XKR6: variants seen among roughly 807,000 people sequenced by gnomAD.
XKR6 encodes the protein XK-related protein 6.
A neutral mutation model predicts 56.7 loss-of-function variants in XKR6; 22 were observed. The ratio of observed to expected loss-of-function variants is 0.39; its 90% CI spans 0.28 to 0.55. The LOEUF is 0.55. Among genes scored for constraint, XKR6 ranks in the 20% least tolerant of loss-of-function variants. The pLI is 0.66. For missense variants in XKR6, 852 were observed against 889.0 expected (o/e 0.96, Z 0.53); for synonymous variants, 524 against 387.8 (o/e 1.35, Z -4.13).
At chr8:11,111,716 A>C (rs1286982178) in intron 1 of XKR6, 3 of 152,218 alleles carry the variant, frequency 2.0e-5, no homozygotes, top group African/African-American at 7.2e-5. Context: ...ATGTCAACCC[A>C]GAAGTACATC....
rs369101389 is a variant in XKR6, at chr8:11,124,387, A to G, written c.764+76189T>C. 9.1e-5 allele frequency: 16 copies of G among 175,044 alleles called. No individual in the cohort carries two copies. In the East Asian group the frequency reaches 1.4e-3, roughly 15 times the overall value. The allele number at this position is 175,044 out of a possible 1,614,324, so 10.8% of individuals were successfully genotyped here. On this transcript the variant is annotated intron_variant, in intron 1 of 2. Coordinates refer to ENST00000416569, the MANE Select transcript of XKR6 (RefSeq NM_173683.4). ...GATGTGAACACAGTACACACATCCA[A>G]TGAAACATGGGATGTAACTGGCAGA...
chr8:11,057,400 G>C (rs1799712367), intron 1 of XKR6, among the ~76,000 whole-genome samples: 1 of 152,188 alleles, frequency 6.6e-6, no homozygotes, highest in South Asian at 2.1e-4. Context: ...ACACAAAGGA[G>C]AGGCTCAAAA....
Position 10,993,590 on chromosome 8 carries a change from C to T in XKR6, c.765-68760G>A, listed in dbSNP as rs1563333589. On this transcript the variant is annotated intron_variant, in intron 1 of 2. Transcript: ENST00000416569. ...GCCCTGCACCTGCGGCTACTGAGGC[C>T]GGGTGCAGAGGAGCTGGTACTAAGC... Among the ~76,000 whole-genome samples, 5 of 152,318 alleles carry T rather than the reference C, an allele frequency of 3.3e-5. No homozygotes were observed. The Middle Eastern group carries it at 0.014, about 414-fold the overall frequency.
At chr8:11,054,701 T>C (rs1799637265) in intron 1 of XKR6, among the ~76,000 whole-genome samples, 1 of 152,180 alleles carries the variant, frequency 6.6e-6, no homozygotes, top group Non-Finnish European at 1.5e-5. Flanking sequence ...CAGTTGCCTA[T>C]TCTTGCTGGT....
intron 1 of XKR6, among the ~76,000 whole-genome samples, chr8:11,139,931 G>C (rs1800602706): frequency 6.6e-6 from 1 of 152,160 alleles, no homozygotes; most frequent in African/African-American, 2.4e-5. Context: ...GCTAAAGTAT[G>C]TGAAAATGAT....
At chr8:11,197,376 G>C (rs1585045813) in intron 1 of XKR6, among the ~76,000 whole-genome samples, 1 of 152,290 alleles carries the variant, frequency 6.6e-6, no homozygotes, top group African/African-American at 2.4e-5. Context: ...AAGGACAATA[G>C]CAGAAAGGAA....
intron 1 of XKR6, among the ~76,000 whole-genome samples, chr8:11,073,445 G>A (rs767475478): frequency 6.6e-6 from 1 of 152,184 alleles, no homozygotes; most frequent in African/African-American, 2.4e-5. Flanking sequence ...ATACAAGGCA[G>A]AGTGAGACAT....
At chr8:11,158,535 G>A (rs1801637563) in intron 1 of XKR6, among the ~76,000 whole-genome samples, 2 of 152,110 alleles carry the variant, frequency 1.3e-5, no homozygotes, top group African/African-American at 2.4e-5. Flanking sequence ...CAACAATTAT[G>A]GAGCAACTAA....
rs563987878 is a variant in XKR6 at position 11,098,339 on chromosome 8, G to C, written c.764+102237C>G. Among the ~76,000 whole-genome samples the C allele has an allele frequency of 1.5e-4, 23 of 152,148 alleles. No individual in the cohort carries two copies. The South Asian group carries it at 4.4e-3, about 29-fold the overall frequency. ...ACTGAGCTGGAGGCCTGTCAATCCTGGTAGCATTATTTCTAAGAGCTGGTA... is the reference window on the plus strand; with the variant it reads ...ACTGAGCTGGAGGCCTGTCAATCCTCGTAGCATTATTTCTAAGAGCTGGTA... On this transcript the variant is annotated intron_variant, in intron 1 of 2. Coordinates refer to ENST00000416569, the MANE Select transcript of XKR6 (RefSeq NM_173683.4).
intron 1 of XKR6, among the ~76,000 whole-genome samples, chr8:11,123,000 G>T (rs1219918787): frequency 6.6e-6 from 1 of 151,880 alleles, no homozygotes; most frequent in Non-Finnish European, 1.5e-5. Flanking sequence ...ACTTTGGGAG[G>T]CCGAGGTGGG....
At position 11,201,552 on chromosome 8, in the gene XKR6, G is replaced by A. The variant is rs1242879782; in HGVS notation, c.-213C>T. ...TCCGGGCGAGCCCCCCAATCGCACG[G>A]CGCCCGCAGCTCCCCAGCCCTACCC... On this transcript the variant is annotated 5_prime_UTR_variant, in exon 1 of 3. Coordinates refer to ENST00000416569, the MANE Select transcript of XKR6 (RefSeq NM_173683.4). 6.6e-6 allele frequency among the ~76,000 whole-genome samples: 1 copy of A among 152,018 alleles called. No individual in the cohort carries two copies. The highest frequency in any genetic ancestry group is 1.9e-4 in the East Asian group (1 of 5,170).
At chr8:11,076,530 G>A (rs1003601819) in intron 1 of XKR6, among the ~76,000 whole-genome samples, 8 of 152,204 alleles carry the variant, frequency 5.3e-5, no homozygotes, top group Admixed American at 5.2e-4. Context: ...CCAGGGACTA[G>A]GTGAGAGTCT....
At chr8:11,140,526 T>G (rs1800640661) in intron 1 of XKR6, among the ~76,000 whole-genome samples, 1 of 152,150 alleles carries the variant, frequency 6.6e-6, no homozygotes, top group Admixed American at 6.5e-5. Flanking sequence ...GCCAATAATT[T>G]TATCTCTAAG....
intron 1 of XKR6, among the ~76,000 whole-genome samples, chr8:11,197,151 G>A (rs916308218): frequency 6.6e-6 from 1 of 152,196 alleles, no homozygotes; most frequent in African/African-American, 2.4e-5. Context: ...AAGAACCACT[G>A]ACGATCCTCT....
Position 11,133,615 on chromosome 8 carries a change from T to C in XKR6, c.764+66961A>G, listed in dbSNP as rs111343774. Among the ~76,000 whole-genome samples, 929 of 152,248 alleles carry C rather than the reference T, an allele frequency of 6.1e-3. 15 individuals are homozygous for C. Among genetic ancestry groups the C allele is most frequent in the African/African-American group, 0.021 (871 of 41,506 alleles). On this transcript the variant is annotated intron_variant, in intron 1 of 2. Transcript: ENST00000416569. The stretch of plus-strand genomic sequence containing the variant: ...GGCTAGGACTCAGCAAAGAATTGTG[T>C]GTCTAAGAATAGACTAACCTTTGCT...
chr8:11,131,849 C>T (rs115643740), intron 1 of XKR6, among the ~76,000 whole-genome samples: 11,114 of 152,278 alleles, frequency 0.073, 473 homozygotes, highest in South Asian at 0.096. Context: ...AGCCTCAGAG[C>T]AACAGGCTAT....
At chr8:11,106,783 G>A (rs1435658812) in intron 1 of XKR6, 1 of 145,564 alleles carries the variant, frequency 6.9e-6, no homozygotes, top group Non-Finnish European at 1.5e-5. Context: ...CCAGGAGGTG[G>A]AGGTTGCAGT....
At position 10,898,619 on chromosome 8, in the gene XKR6, A is replaced by G; in HGVS notation, c.1259T>C (p.Met420Thr). 1 of 1,614,138 alleles carries G rather than the reference A, an allele frequency of 6.2e-7. No homozygotes were observed. Among genetic ancestry groups the G allele is most frequent in the Non-Finnish European group, 8.5e-7 (1 of 1,180,022 alleles). Reference protein sequence around the residue: ...MSKWEEILFNMVVGIVYIFCW... With the variant: ...MSKWEEILFNTVVGIVYIFCW... The stretch of plus-strand genomic sequence containing the variant: ...GAAAATGTACACGATCCCTACCACC[A>G]TGTTGAAGAGGATCTCCTCCCACTT... The change falls in exon 3 of 3, where the codon ATG becomes ACG. Residue 420 changes from methionine to threonine, a missense_variant. Transcript: ENST00000416569. The surrounding 1 kb of genome is among the most constrained non-coding windows in gnomAD (Gnocchi z 6.6).
At chr8:11,006,335 T>C (rs1207268078) in intron 1 of XKR6, among the ~76,000 whole-genome samples, 3 of 152,158 alleles carry the variant, frequency 2.0e-5, no homozygotes, top group Admixed American at 2.0e-4. Flanking sequence ...AGAGGAGGCC[T>C]TCTGCCTGGG....
Sources: gnomAD v4.1 joint callset for allele counts (sites outside exome capture counted in the v4.1 genomes callset) on GRCh38, gnomAD v4.1.1 for gene constraint, Gnocchi (gnomAD v3.1) non-coding constraint, MANE v1.5 for transcripts, NCBI Gene and HGNC (gene_info 2026-07-23, HGNC 2026-07-21) for gene names.